UNC5C: variants seen among roughly 807,000 people sequenced by gnomAD.
The protein encoded by UNC5C is netrin receptor UNC5C.
A neutral mutation model predicts 99.8 loss-of-function variants in UNC5C; 47 were observed. The ratio of observed to expected loss-of-function variants is 0.47; its 90% confidence interval spans 0.37 to 0.60. The LOEUF is 0.60. UNC5C is among the 20% of genes least tolerant of loss of function. UNC5C has a pLI of 0.00. For synonymous variants in UNC5C, 487 were observed against 452.2 expected (o/e 1.08, Z -0.98); for missense variants, 1,062 against 1,165.9 (o/e 0.91, Z 1.30).
At chr4:95,325,597 T>TG (rs1742853918) in intron 2 of UNC5C, among the ~76,000 whole-genome samples, 1 of 152,130 alleles carries the variant, frequency 6.6e-6, no homozygotes, top group South Asian at 2.1e-4. Flanking sequence ...CTGCAACAAA[T>TG]GGGGACTTGA....
At chr4:95,494,159 G>C (rs72876461) in intron 1 of UNC5C, among the ~76,000 whole-genome samples, 3 of 151,500 alleles carry the variant, frequency 2.0e-5, no homozygotes, top group African/African-American at 7.3e-5. Context: ...AAGATGTTCA[G>C]CTGATACTGC....
intron 1 of UNC5C, among the ~76,000 whole-genome samples, chr4:95,464,229 T>A (rs1747701167): frequency 6.6e-6 from 1 of 152,206 alleles, no homozygotes; most frequent in Non-Finnish European, 1.5e-5. Context: ...TGTATTGTTT[T>A]ACTTTTAAAG....
intron 1 of UNC5C, among the ~76,000 whole-genome samples, chr4:95,542,373 C>T (rs188988740): frequency 6.6e-6 from 1 of 152,256 alleles, no homozygotes; most frequent in African/African-American, 2.4e-5. Context: ...ACACAAGGCA[C>T]TTTTGAATCA....
chr4:95,483,307 G>A (rs1382310837), intron 1 of UNC5C, among the ~76,000 whole-genome samples: 5 of 151,566 alleles, frequency 3.3e-5, no homozygotes, highest in African/African-American at 9.7e-5. Context: ...TTCCTTTTGC[G>A]ACTATTAAAG....
At chr4:95,386,410 T>C (rs1412163898) in intron 1 of UNC5C, among the ~76,000 whole-genome samples, 3 of 152,154 alleles carry the variant, frequency 2.0e-5, no homozygotes, top group African/African-American at 7.2e-5. Context: ...GATAATACTT[T>C]CTGCATGTAT....
intron 1 of UNC5C, among the ~76,000 whole-genome samples, chr4:95,400,385 T>TC (rs1745653857): frequency 2.5e-5 from 1 of 40,170 alleles, no homozygotes; most frequent in Non-Finnish European, 4.2e-5. Flanking sequence ...AGATGAATTC[T>TC]TTTTTTTTTT....
At chr4:95,176,989 G>C (rs947122003) in intron 14 of UNC5C, among the ~76,000 whole-genome samples, 1 of 152,110 alleles carries the variant, frequency 6.6e-6, no homozygotes, top group Non-Finnish European at 1.5e-5. Flanking sequence ...TACTTGGGGG[G>C]GAGTGACCCG....
At chr4:95,355,330 T>C (rs1744142528) in intron 1 of UNC5C, among the ~76,000 whole-genome samples, 1 of 152,196 alleles carries the variant, frequency 6.6e-6, no homozygotes. Flanking sequence ...TATTTTCTTG[T>C]TGAATGTCTA....
chr4:95,443,314 T>A (rs758945952), intron 1 of UNC5C, among the ~76,000 whole-genome samples: 1 of 152,158 alleles, frequency 6.6e-6, no homozygotes, highest in Non-Finnish European at 1.5e-5. Flanking sequence ...GAGGTCTTTG[T>A]GTATTTTTGT....
chr4:95,245,103 T>C lies in UNC5C; in HGVS notation c.817A>G (p.Asn273Asp), dbSNP rs776864880. The change falls in exon 6 of 16, where the codon AAC becomes GAC. Residue 273 changes from asparagine (N) to aspartate (D), a missense_variant. By Grantham distance (23) the Asn-to-Asp change is conservative (BLOSUM62 1). This residue lies in a region of UNC5C where 810 missense variants were observed against 854.5 expected (regional missense o/e 0.95). Coordinates refer to ENST00000453304, the MANE Select transcript of UNC5C (RefSeq NM_003728.4). ...WSTWTEWSVC[N>D]SRCGRGYQKR... Reference sequence around the variant, plus strand: ...TGATACCCTCGTCCACAGCGGCTGTTACACACAGACCACTCCGTCCAGGTG... The same window carrying C: ...TGATACCCTCGTCCACAGCGGCTGTCACACACAGACCACTCCGTCCAGGTG... The C allele has an allele frequency of 6.2e-7, 1 of 1,613,994 alleles. No homozygotes were observed. The highest frequency in any genetic ancestry group is 8.5e-7 in the Non-Finnish European group (1 of 1,179,982).
At chr4:95,471,791 C>T (rs2865466) in intron 1 of UNC5C, among the ~76,000 whole-genome samples, 11,693 of 151,908 alleles carry the variant, frequency 0.077, 1,016 homozygotes, top group African/African-American at 0.22. Context: ...GTTCCATAAA[C>T]GCACTGTCAA....
intron 1 of UNC5C, among the ~76,000 whole-genome samples, chr4:95,486,587 T>C (rs1256097094): frequency 1.3e-5 from 2 of 151,726 alleles, no homozygotes; most frequent in Non-Finnish European, 2.9e-5. Context: ...ATCTCCAGTC[T>C]GGCCTTATTC....
chr4:95,230,868 T>C (rs1041524919), intron 7 of UNC5C, among the ~76,000 whole-genome samples: 7 of 152,062 alleles, frequency 4.6e-5, no homozygotes, highest in Admixed American at 2.6e-4. Context: ...AGTTTCTTCC[T>C]TTGTAAAAGA....
chr4:95,465,629 TG>T (rs1000485584), intron 1 of UNC5C, among the ~76,000 whole-genome samples: 19 of 152,068 alleles, frequency 1.2e-4, no homozygotes, highest in Non-Finnish European at 1.5e-5. Context: ...GGGTAACATA[TG>T]GGGTGCGTAA....
chr4:95,342,745 C>G (rs1011178472), intron 1 of UNC5C, among the ~76,000 whole-genome samples: 2 of 152,146 alleles, frequency 1.3e-5, no homozygotes, highest in South Asian at 2.1e-4. Flanking sequence ...AATTCCAGGC[C>G]TTGGCTCTTG....
intron 1 of UNC5C, among the ~76,000 whole-genome samples, chr4:95,354,479 A>ATATATATATATATATATTTTTTT: frequency 9.1e-6 from 1 of 110,352 alleles, no homozygotes; most frequent in African/African-American, 4.0e-5. Flanking sequence ...ATATATATAT[A>ATATATATATATATATATTTTTTT]TTTTTTTTTT....
At chr4:95,347,667 C>G (rs1743828536) in intron 1 of UNC5C, among the ~76,000 whole-genome samples, 1 of 152,024 alleles carries the variant, frequency 6.6e-6, no homozygotes, top group Non-Finnish European at 1.5e-5. Flanking sequence ...AAAGGACAGT[C>G]TCTTAAATAA....
At chr4:95,266,038 G>T (rs1386923646) in intron 4 of UNC5C, among the ~76,000 whole-genome samples, 1 of 152,160 alleles carries the variant, frequency 6.6e-6, no homozygotes, top group Admixed American at 6.5e-5. Context: ...GTGCCTCTTA[G>T]TGTCTCTATT....
chr4:95,309,687 A>G (rs756136207), intron 2 of UNC5C, among the ~76,000 whole-genome samples: 2 of 152,184 alleles, frequency 1.3e-5, no homozygotes, highest in African/African-American at 2.4e-5. Context: ...TATGTCCAAC[A>G]TCACTAATCC....
Sources: allele counts gnomAD v4.1 joint callset (sites outside exome capture counted in the v4.1 genomes callset), GRCh38; gene constraint gnomAD v4.1.1; regional missense constraint gnomAD v4.1.1; transcripts MANE v1.5; gene names NCBI Gene and HGNC (gene_info 2026-07-23, HGNC 2026-07-21).